Variants in GLDC observed in about 807,000 individuals in gnomAD.
GLDC encodes the protein glycine decarboxylase, also known as glycine dehydrogenase (decarboxylating), mitochondrial.
Under a neutral mutation model 121.3 loss-of-function variants are expected in GLDC, and 104 were observed. The observed-to-expected ratio is 0.86, with a 90% CI of 0.73 to 1.01. GLDC has a LOEUF of 1.01. GLDC is among the 50% of genes least tolerant of loss of function. The pLI is 0.00. For synonymous variants in GLDC, 546 were observed against 480.6 expected (o/e 1.14, Z -1.78); for missense variants, 1,429 against 1,306.6 (o/e 1.09, Z -1.44).
intron 4 of GLDC, among the ~76,000 whole-genome samples, chr9:6,608,283 G>C (rs1373247049): frequency 6.8e-6 from 1 of 147,826 alleles, no homozygotes; most frequent in East Asian, 2.0e-4. Flanking sequence ...TTAGCCGGGC[G>C]TGGTGGCGGG....
intron 21 of GLDC, among the ~76,000 whole-genome samples, chr9:6,545,564 G>A (rs564057863): frequency 6.6e-6 from 1 of 152,114 alleles, no homozygotes; most frequent in Non-Finnish European, 1.5e-5. Context: ...TAGACTTTGT[G>A]AACGCTGTAC....
chr9:6,634,046 G>A (rs1819447667), intron 2 of GLDC, among the ~76,000 whole-genome samples: 1 of 151,586 alleles, frequency 6.6e-6, no homozygotes, highest in Non-Finnish European at 1.5e-5. Flanking sequence ...TAGCCAGGAT[G>A]GTCTCGATCT....
At chr9:6,556,469 T>C (rs948027135) in intron 17 of GLDC, among the ~76,000 whole-genome samples, 167 bp from the exon 18 acceptor site, 4 of 152,158 alleles carry the variant, frequency 2.6e-5, no homozygotes, top group Non-Finnish European at 5.9e-5. Context: ...ACCACAGCCA[T>C]TACTCCCTTC....
chr9:6,574,466 CA>C (rs555537562), intron 15 of GLDC, among the ~76,000 whole-genome samples: 92 of 117,554 alleles, frequency 7.8e-4, no homozygotes, highest in Middle Eastern at 4.1e-3. Context: ...GACTCCGTCT[CA>C]AAAAAAAAAA....
At chr9:6,556,793 CA>C (rs71308875) in intron 17 of GLDC, among the ~76,000 whole-genome samples, 20,106 of 138,250 alleles carry the variant, frequency 0.15, 2,121 homozygotes, top group African/African-American at 0.31. Context: ...GACTCCACGT[CA>C]AAAAAAAAAA....
intron 2 of GLDC, among the ~76,000 whole-genome samples, chr9:6,629,075 G>A (rs1302422068): frequency 6.6e-6 from 1 of 151,662 alleles, no homozygotes; most frequent in African/African-American, 2.4e-5. Context: ...TAGAATGAAT[G>A]CTTCCTCTTT....
At chr9:6,543,802 C>A (rs1817324799) in intron 21 of GLDC, among the ~76,000 whole-genome samples, 1 of 151,654 alleles carries the variant, frequency 6.6e-6, no homozygotes, top group African/African-American at 2.4e-5. Context: ...TCAGCACCAA[C>A]TTTTCGTGTT....
rs12339196 is a variant in GLDC at position 6,563,418 on chromosome 9, T to G, written c.1926+1936A>C. On this transcript the variant is annotated intron_variant, in intron 16 of 24. Transcript: ENST00000321612. ...AAGCAGTGGAGGAGTCGGGTGGAGA[T>G]GTCACACAGGACAGGCTGCCCCTTT... is the stretch of plus-strand genomic sequence containing the variant. Among the ~76,000 whole-genome samples, 1,429 of 152,308 alleles carry G rather than the reference T, an allele frequency of 9.4e-3. 18 individuals are homozygous for G. The highest frequency in any genetic ancestry group is 0.031 in the African/African-American group (1,308 of 41,564).
chr9:6,610,484 A>G (rs1018630698), intron 3 of GLDC, 128 bp from the exon 4 acceptor site: 16 of 816,674 alleles, frequency 2.0e-5, no homozygotes, highest in African/African-American at 3.4e-5. Flanking sequence ...ATAACACACC[A>G]GTAAGCTTCT....
In GLDC at chr9:6,606,185, T is replaced by G. The variant is rs144017332; in HGVS notation, c.713+407A>C. 7.2e-3 allele frequency: 1,707 copies of G among 236,474 alleles called. 30 individuals are homozygous for G. The highest frequency in any genetic ancestry group is 0.038 in the African/African-American group (1,601 of 42,314). 14.6% of individuals were successfully genotyped at this position (236,474 alleles called of 1,614,324 possible). A position where few individuals can be genotyped will look rare whatever the true frequency, so the allele number is the denominator to read the frequency against. ...TTAGCCAGGCGTGGTGGCGGGCACCTGTAGTCCCAGCAACTCGGGAGGCTG... is the reference window on the plus strand; with the variant it reads ...TTAGCCAGGCGTGGTGGCGGGCACCGGTAGTCCCAGCAACTCGGGAGGCTG... On this transcript the variant is annotated intron_variant, in intron 5 of 24. Coordinates refer to ENST00000321612, the MANE Select transcript of GLDC (RefSeq NM_000170.3).
At chr9:6,616,323 T>A (rs1161810510) in intron 3 of GLDC, among the ~76,000 whole-genome samples, 1 of 152,242 alleles carries the variant, frequency 6.6e-6, no homozygotes, top group East Asian at 1.9e-4. Flanking sequence ...AATCCTTTCA[T>A]AAGTCCAAGG....
In GLDC at chr9:6,534,787, A is replaced by T; in HGVS notation, c.2840T>A (p.Met947Lys). Residue 947 changes from methionine (M) to lysine (K), a missense_variant and splice_region_variant, in exon 24 of 25, where the codon ATG (methionine) becomes AAG (lysine). Coordinates refer to ENST00000321612, the MANE Select transcript of GLDC (RefSeq NM_000170.3). The stretch of plus-strand genomic sequence containing the variant: ...AACGCAGGTCAGGGAGTGTGGAGAC[A>T]TCTGAGACAGAGACACGGACAGAGG... ...RIDPRVNPLK[M>K]SPHSLTCVTS... is the part of the protein sequence containing the mutation. 6.3e-7 allele frequency: 1 copy of T among 1,580,706 alleles called. No homozygotes were observed. The highest frequency in any genetic ancestry group is 1.3e-5 in the African/African-American group (1 of 74,362).
At chr9:6,625,562 A>G (rs2773505) in intron 2 of GLDC, among the ~76,000 whole-genome samples, 20,119 of 152,136 alleles carry the variant, frequency 0.13, 1,374 homozygotes, top group Admixed American at 0.15. Flanking sequence ...AGGAGACACA[A>G]TAGGATTAGA....
intron 4 of GLDC, among the ~76,000 whole-genome samples, chr9:6,608,094 G>A (rs1818772264): frequency 6.6e-6 from 1 of 151,852 alleles, no homozygotes; most frequent in Non-Finnish European, 1.5e-5. Context: ...CCCAGCCTGG[G>A]TGACAAAGTC....
chr9:6,553,561 C>G (rs758045989), intron 19 of GLDC, 52 bp from the exon 20 acceptor site: 3 of 1,580,060 alleles, frequency 1.9e-6, no homozygotes, highest in Non-Finnish European at 2.6e-6. Flanking sequence ...TCAGTTTAAT[C>G]TAATGGGAAG....
intron 2 of GLDC, among the ~76,000 whole-genome samples, chr9:6,636,281 G>A (rs1391783647): frequency 1.3e-5 from 2 of 151,112 alleles, no homozygotes; most frequent in Non-Finnish European, 2.9e-5. Context: ...TCCAGCCTGG[G>A]TGACATAGTG....
intron 21 of GLDC, among the ~76,000 whole-genome samples, chr9:6,544,926 A>G (rs973607290): frequency 9.2e-5 from 14 of 151,966 alleles, no homozygotes; most frequent in Non-Finnish European, 1.8e-4. Context: ...AAGGAGAAAC[A>G]CTGTCTCTAC....
intron 2 of GLDC, among the ~76,000 whole-genome samples, chr9:6,629,945 G>GTGTATATATATA (rs1554650761): frequency 2.1e-5 from 1 of 46,820 alleles, no homozygotes; most frequent in East Asian, 1.1e-3. Flanking sequence ...ATATATATAT[G>GTGTATATATATA]TATATATATA....
Position 6,548,136 on chromosome 9 carries a change from T to A in GLDC, c.2569+2667A>T, listed in dbSNP as rs138717984. Among the ~76,000 whole-genome samples the A allele has an allele frequency of 1.7e-4, 26 of 152,184 alleles. No homozygotes were observed. In the East Asian group the frequency reaches 5.0e-3, roughly 29 times the overall value. On this transcript the variant is annotated intron_variant, in intron 21 of 24. Coordinates refer to ENST00000321612, the MANE Select transcript of GLDC (RefSeq NM_000170.3). ...CCTGGACAACAAACTAATAAAACTA[T>A]CTGTAGTATGATCAATTGTACAAAC...
Sources: allele counts gnomAD v4.1 joint callset (sites outside exome capture counted in the v4.1 genomes callset), GRCh38; gene constraint gnomAD v4.1.1; transcripts MANE v1.5; gene names NCBI Gene and HGNC (gene_info 2026-07-23, HGNC 2026-07-21).